The following CNTNAP5 variants were observed in gnomAD, a reference collection of about 807,000 sequenced individuals.
CNTNAP5 encodes the protein contactin associated protein family member 5, also known as contactin-associated protein-like 5.
In CNTNAP5, 72 loss-of-function variants were observed where a neutral mutation model predicts 150.2. The ratio of observed to expected loss-of-function variants is 0.48; its 90% confidence interval spans 0.40 to 0.58. CNTNAP5 has a LOEUF of 0.58. Among genes scored for constraint, CNTNAP5 ranks in the 20% least tolerant of loss-of-function variants. CNTNAP5 has a pLI of 0.00. For synonymous variants in CNTNAP5, 672 were observed against 619.8 expected, an observed-to-expected ratio of 1.08 and a Z score of -1.25; for missense variants, 1,636 against 1,626.2, an observed-to-expected ratio of 1.01 and a Z score of -0.10.
intron 6 of CNTNAP5, among the ~76,000 whole-genome samples, chr2:124,472,906 A>G (rs540230632): frequency 6.6e-6 from 1 of 152,118 alleles, no homozygotes; most frequent in South Asian, 2.1e-4. Flanking sequence ...CCATTCATGA[A>G]AACCACAAAA....
intron 3 of CNTNAP5, among the ~76,000 whole-genome samples, chr2:124,270,963 T>C (rs1453344346): frequency 6.6e-6 from 1 of 152,170 alleles, no homozygotes; most frequent in Non-Finnish European, 1.5e-5. Flanking sequence ...TTCTGACTGC[T>C]GGACTGTGGC....
chr2:124,566,946 A>G (rs1354057468), intron 11 of CNTNAP5, among the ~76,000 whole-genome samples: 1 of 152,256 alleles, frequency 6.6e-6, no homozygotes, highest in Non-Finnish European at 1.5e-5. Flanking sequence ...TGTGGAAATG[A>G]CAGAATCCTT....
rs1207108942 is a variant in CNTNAP5 at position 124,786,352 on chromosome 2, GAAGAAAGAAAGA to G, written c.2753-3512_2753-3501del. On this transcript the variant is annotated intron_variant, in intron 17 of 23. Transcript: ENST00000682447. ...AAGAAAGAGAAAGAAAGAAAGAAAG[GAAGAAAGAAAGA>G]AAGAAAGAAAGAAAGAAAGAAAGAA... Among the ~76,000 whole-genome samples, 519 of 59,140 alleles carry G rather than the reference GAAGAAAGAAAGA, an allele frequency of 8.8e-3. 6 individuals carry two copies. The highest frequency in any genetic ancestry group is 0.012 in the African/African-American group (159 of 13,678). The allele number at this position is 59,140 out of a possible 152,430, so 38.8% of individuals were successfully genotyped here. A position where few individuals can be genotyped will look rare whatever the true frequency, so the allele number is the denominator to read the frequency against.
At chr2:124,098,677 A>C (rs970620364) in intron 1 of CNTNAP5, among the ~76,000 whole-genome samples, 1 of 152,186 alleles carries the variant, frequency 6.6e-6, no homozygotes, top group African/African-American at 2.4e-5. Flanking sequence ...TTATATCTTC[A>C]GGCAAGCCCA....
At chr2:124,462,936 C>T (rs756722307) in intron 6 of CNTNAP5, among the ~76,000 whole-genome samples, 13 of 152,188 alleles carry the variant, frequency 8.5e-5, no homozygotes, top group Non-Finnish European at 1.3e-4. Context: ...AGATGAGGGA[C>T]GAGAACGGTG....
At chr2:124,711,099 C>T (rs1679797409) in intron 13 of CNTNAP5, among the ~76,000 whole-genome samples, 1 of 151,882 alleles carries the variant, frequency 6.6e-6, no homozygotes, top group African/African-American at 2.4e-5. Context: ...GGTGAAACCC[C>T]ATCTCTACTC....
At chr2:124,682,680 G>T (rs543576842) in intron 13 of CNTNAP5, among the ~76,000 whole-genome samples, 1 of 152,198 alleles carries the variant, frequency 6.6e-6, no homozygotes, top group South Asian at 2.1e-4. Flanking sequence ...ACTCTGAAAT[G>T]GTTGATTTTA....
chr2:124,772,030 AC>A (rs934206454), intron 16 of CNTNAP5, among the ~76,000 whole-genome samples: 2 of 150,144 alleles, frequency 1.3e-5, no homozygotes, highest in South Asian at 2.1e-4. Context: ...CATCACCACC[AC>A]CCCCATCAGC....
At chr2:124,880,758 A>G (rs1303831830) in intron 21 of CNTNAP5, among the ~76,000 whole-genome samples, 1 of 152,142 alleles carries the variant, frequency 6.6e-6, no homozygotes, top group African/African-American at 2.4e-5. Context: ...TGTGAGGATA[A>G]GACATTTATT....
intron 22 of CNTNAP5, among the ~76,000 whole-genome samples, chr2:124,904,548 G>T (rs1196949834): frequency 1.3e-5 from 2 of 151,918 alleles, no homozygotes; most frequent in Non-Finnish European, 2.9e-5. Context: ...TAATAGAATG[G>T]AATAGAGAAG....
chr2:124,713,300 T>C (rs1394535939), intron 13 of CNTNAP5, among the ~76,000 whole-genome samples: 25 of 123,084 alleles, frequency 2.0e-4, no homozygotes, highest in African/African-American at 6.7e-4. Context: ...TTTCTTTCTT[T>C]CTTCTTTCTC....
intron 13 of CNTNAP5, among the ~76,000 whole-genome samples, chr2:124,658,067 G>A (rs1053327239): frequency 2.0e-5 from 3 of 152,160 alleles, no homozygotes; most frequent in African/African-American, 7.2e-5. Flanking sequence ...CTGGCACCTA[G>A]GGACAATTGA....
intron 8 of CNTNAP5, among the ~76,000 whole-genome samples, chr2:124,523,358 C>G (rs1694892438): frequency 6.6e-6 from 1 of 152,172 alleles, no homozygotes; most frequent in Non-Finnish European, 1.5e-5. Flanking sequence ...AATTGTGTGG[C>G]TGTGTGCTCT....
At chr2:124,343,880 C>A (rs1187080466) in intron 3 of CNTNAP5, among the ~76,000 whole-genome samples, 1 of 152,164 alleles carries the variant, frequency 6.6e-6, no homozygotes, top group African/African-American at 2.4e-5. Context: ...TTTCCTGCTG[C>A]ATCGTAACAT....
intron 1 of CNTNAP5, among the ~76,000 whole-genome samples, chr2:124,072,331 T>A (rs1016797907): frequency 3.3e-4 from 50 of 151,820 alleles, no homozygotes; most frequent in Admixed American, 1.3e-4. Context: ...AATACAAGGA[T>A]ACCCACTTTT....
At chr2:124,375,524 A>G (rs541891303) in intron 3 of CNTNAP5, among the ~76,000 whole-genome samples, 92 of 152,268 alleles carry the variant, frequency 6.0e-4, no homozygotes, top group South Asian at 4.8e-3. Flanking sequence ...ACTGTCACAG[A>G]TTGGAGGCCA....
chr2:124,377,898 T>G (rs1052680998), intron 3 of CNTNAP5, among the ~76,000 whole-genome samples: 1 of 152,080 alleles, frequency 6.6e-6, no homozygotes, highest in African/African-American at 2.4e-5. Flanking sequence ...CCTGTAAATC[T>G]TAAGAACAAT....
At chr2:124,071,272 A>G (rs754840292) in intron 1 of CNTNAP5, among the ~76,000 whole-genome samples, 13 of 152,080 alleles carry the variant, frequency 8.5e-5, no homozygotes, top group Non-Finnish European at 1.5e-4. Flanking sequence ...CTTCAAATAA[A>G]CAACCTAACA....
intron 3 of CNTNAP5, among the ~76,000 whole-genome samples, chr2:124,413,427 C>G (rs1691830553): frequency 7.2e-6 from 1 of 139,702 alleles, no homozygotes; most frequent in African/African-American, 2.6e-5. Context: ...AAGACACATG[C>G]ACACGTATGT....
Sources: allele counts gnomAD v4.1 joint callset (sites outside exome capture counted in the v4.1 genomes callset), GRCh38; gene constraint gnomAD v4.1.1; transcripts MANE v1.5; gene names NCBI Gene and HGNC (gene_info 2026-07-23, HGNC 2026-07-21).